The following CRLF2 variants were observed in gnomAD, a reference collection of about 807,000 sequenced individuals.
CRLF2 encodes the protein cytokine receptor like factor 2.
Under a neutral mutation model 38.7 loss-of-function variants are expected in CRLF2, and 41 were observed. The observed-to-expected ratio is 1.06, with a 90% confidence interval of 0.83 to 1.37. CRLF2 has a LOEUF of 1.37. Among genes scored for constraint, CRLF2 ranks in the 40% most tolerant of loss-of-function variants. CRLF2 has a pLI of 0.00. For synonymous variants in CRLF2, 140 were observed against 128.8 expected (o/e 1.09, Z -0.59); for missense variants, 377 against 322.2 (o/e 1.17, Z -1.30).
At chrX:1,197,542 G>A (rs1378148978) in intron 5 of CRLF2, among the ~76,000 whole-genome samples, 10 of 152,052 alleles carry the variant, frequency 6.6e-5, no homozygotes, top group Admixed American at 2.6e-4. Context: ...AAGGCCGGGC[G>A]CGGTGGCTCA....
At chrX:1,197,028 T>C in intron 5 of CRLF2, 128 bp from the exon 6 acceptor site, 1 of 744,812 alleles carries the variant, frequency 1.3e-6, no homozygotes, top group Non-Finnish European at 2.1e-6. Flanking sequence ...TTTTTCTTGG[T>C]TCTCGTTGTT....
intron 5 of CRLF2, 147 bp from the exon 6 acceptor site, chrX:1,197,047 G>C (rs1311170640): frequency 3.6e-6 from 2 of 550,466 alleles, no homozygotes; most frequent in African/African-American, 4.3e-5. Context: ...TTTGTTTTTT[G>C]TTTTGTTTTT....
chrX:1,212,447 G>GA, intron 1 of CRLF2, 109 bp downstream of exon 1: 2 of 511,158 alleles, frequency 3.9e-6, no homozygotes, highest in East Asian at 3.3e-5. Context: ...AAGAAAAGAA[G>GA]AAAGAAACCT....
intron 6 of CRLF2, among the ~76,000 whole-genome samples, chrX:1,195,082 A>G (rs1433362889): frequency 1.3e-5 from 2 of 151,286 alleles, no homozygotes; most frequent in African/African-American, 4.9e-5. Flanking sequence ...CCTCCCACCT[A>G]CTGGGGAGGC....
rs772034032 is a variant in CRLF2, at chrX:1,202,538, GAGA to G, written c.350-6_350-4del. 6.2e-7 allele frequency: 1 copy of G among 1,613,702 alleles called. No homozygotes were observed. The highest frequency in any genetic ancestry group is 1.1e-5 in the South Asian group (1 of 91,074). On this transcript the variant is annotated splice_polypyrimidine_tract_variant and splice_region_variant and intron_variant, in intron 3 of 7. Coordinates refer to ENST00000400841, the MANE Select transcript of CRLF2 (RefSeq NM_022148.4). ...GTGCTTCGGGGAACTGGGTTTCACT[GAGA>G]AGAAGAAATAACGGAAGCGACGTCC... is the stretch of plus-strand genomic sequence containing the variant.
chrX:1,198,775 A>G (rs2086548330), intron 4 of CRLF2, 51 bp from the exon 5 acceptor site: 3 of 1,391,894 alleles, frequency 2.2e-6, no homozygotes, highest in Non-Finnish European at 3.0e-6. Flanking sequence ...ACACACACAC[A>G]CACACACAAT....
At chrX:1,196,999 A>C (rs1382288803) in intron 5 of CRLF2, 99 bp from the exon 6 acceptor site, 2 of 974,246 alleles carry the variant, frequency 2.1e-6, no homozygotes, top group Admixed American at 3.4e-5. Flanking sequence ...AGTCTCCCTC[A>C]TTTTTTGGTG....
intron 3 of CRLF2, among the ~76,000 whole-genome samples, chrX:1,205,051 T>C (rs1182506928): frequency 6.6e-6 from 1 of 152,126 alleles, no homozygotes; most frequent in African/African-American, 2.4e-5. Flanking sequence ...GGTCTCGAAC[T>C]CCAGACCTCA....
At chrX:1,199,844 T>C (rs1312348764) in intron 4 of CRLF2, among the ~76,000 whole-genome samples, 2 of 151,732 alleles carry the variant, frequency 1.3e-5, no homozygotes, top group Admixed American at 6.6e-5. Context: ...GTATAGAAGC[T>C]ATGTATATAA....
At chrX:1,206,332 T>C (rs1425671933) in intron 3 of CRLF2, 101 bp downstream of exon 3, 2 of 1,020,034 alleles carry the variant, frequency 2.0e-6, no homozygotes, top group Non-Finnish European at 3.1e-6. Context: ...TTAACGGTAA[T>C]CATGGATCCG....
In CRLF2 at chrX:1,205,406, CG is replaced by C. The variant is rs2086674435; in HGVS notation, c.349+1026del. ...ATCGTTACGGTAATCATTGATCCCG[CG>C]ACTTGCGAGAGCTTGCTTTTCGGTA... On this transcript the variant is annotated intron_variant, in intron 3 of 7. Transcript: ENST00000400841. 5.9e-5 allele frequency among the ~76,000 whole-genome samples: 9 copies of C among 152,146 alleles called. 1 individual carries two copies. In the South Asian group the frequency reaches 1.9e-3, roughly 32 times the overall value.
In CRLF2 at chrX:1,198,701, G is replaced by A. The variant is rs746685278; in HGVS notation, c.507C>T (p.Asn169=). 50 of 1,596,068 alleles carry A rather than the reference G, an allele frequency of 3.1e-5. No individual in the cohort carries two copies. In the African/African-American group the frequency reaches 3.5e-4, roughly 11 times the overall value. Residue 169 remains asparagine, a synonymous_variant, in exon 5 of 8, where the codon AAC becomes AAT. Coordinates refer to ENST00000400841, the MANE Select transcript of CRLF2 (RefSeq NM_022148.4). The part of the protein sequence containing the change: ...EWQSKQENTC[N]VTIEGLDAEK... ...CGGCATCCAAGCCTTCTATGGTGAC[G>A]TTGCAGGTATTTTCCTGTTTGGACT...
chrX:1,208,566 A>G (rs2086732123), intron 2 of CRLF2, among the ~76,000 whole-genome samples: 1 of 152,128 alleles, frequency 6.6e-6, no homozygotes, highest in Admixed American at 6.6e-5. Context: ...TCAAAATAAA[A>G]ACAAACAAAA....
chrX:1,205,813 T>C (rs1415623483), intron 3 of CRLF2, among the ~76,000 whole-genome samples: 6 of 151,650 alleles, frequency 4.0e-5, no homozygotes, highest in African/African-American at 1.5e-4. Context: ...CGGTAATCAC[T>C]GATCCAGTGA....
rs754488148 is a variant in CRLF2 at position 1,202,412 on chromosome X, G to C, written c.473C>G (p.Thr158Ser). ...GGCCGCCCGGCTCACCTGCCACTCG[G>C]TGTCGAAGGGGCTCCGGTACTGAAC... ...YEVQYRSPFD[T>S]EWQSKQENTC... The change falls in exon 4 of 8, where the codon ACC (threonine) becomes AGC (serine). Residue 158 changes from threonine to serine, a missense_variant. By Grantham distance (58) the Thr-to-Ser change is moderately conservative. Transcript: ENST00000400841. 3 of 1,613,630 alleles carry C rather than the reference G, an allele frequency of 1.9e-6. No homozygotes were observed. Among genetic ancestry groups the C allele is most frequent in the Non-Finnish European group, 2.5e-6 (3 of 1,179,618 alleles).
chrX:1,199,103 C>T (rs765252307), intron 4 of CRLF2: 6 of 350,566 alleles, frequency 1.7e-5, no homozygotes, highest in Non-Finnish European at 3.4e-5. Context: ...AAGCAGAGAT[C>T]GCACCACTGC....
intron 5 of CRLF2, 114 bp from the exon 6 acceptor site, chrX:1,197,014 T>G (rs1182898081): frequency 5.8e-6 from 5 of 868,454 alleles, no homozygotes; most frequent in Admixed American, 3.3e-5. Flanking sequence ...TTGGTGTTCG[T>G]TTTTTTTTCT....
At chrX:1,207,674 T>C (rs1251307568) in intron 2 of CRLF2, among the ~76,000 whole-genome samples, 1 of 151,814 alleles carries the variant, frequency 6.6e-6, no homozygotes, top group African/African-American at 2.4e-5. Context: ...TTTGTTTTGT[T>C]TTTGAGACAG....
In CRLF2 at chrX:1,196,862, G is replaced by A; in HGVS notation, c.685C>T (p.Leu229=). 6.2e-7 allele frequency: 1 copy of A among 1,613,584 alleles called. No individual in the cohort carries two copies. Among genetic ancestry groups the A allele is most frequent in the Non-Finnish European group, 8.5e-7 (1 of 1,179,662 alleles). The change falls in exon 6 of 8, where the codon CTG becomes TTG. Residue 229 remains leucine, a synonymous_variant. Transcript: ENST00000400841. ...AETPTPPKPK[L]SKFILISSLA... is the part of the protein sequence containing the mutation. ...CTGGAAATTAAAATAAATTTGGACA[G>A]CTTTGGTTTGGGAGGCGTTGGTGTC...
Sources: allele counts gnomAD v4.1 joint callset (sites outside exome capture counted in the v4.1 genomes callset), GRCh38; gene constraint gnomAD v4.1.1; transcripts MANE v1.5; gene names NCBI Gene and HGNC (gene_info 2026-07-23, HGNC 2026-07-21).